PTPRD: variants seen among roughly 807,000 people sequenced by gnomAD.
PTPRD encodes the protein protein tyrosine phosphatase receptor type D.
In PTPRD, 34 loss-of-function variants were observed where a neutral mutation model predicts 214.5. That is an observed-to-expected ratio of 0.16 (90% CI 0.12 to 0.21). The LOEUF (loss-of-function observed/expected upper bound fraction) is 0.21, where lower values mean the gene tolerates loss of function less well. Ranked by LOEUF, PTPRD falls within the 10% of genes least tolerant of loss-of-function variation. The probability of loss-of-function intolerance (pLI) is 1.00; values close to 1 mark genes in which losing one functional copy is unlikely to be tolerated. For synonymous variants in PTPRD, 1,128 were observed against 845.7 expected (o/e 1.33, Z -5.79); for missense variants, 2,545 against 2,398.7 (o/e 1.06, Z -1.27).
rs534940932 is a variant in PTPRD, at chr9:8,858,764, AG to A, written c.-103-124819del. Among the ~76,000 whole-genome samples, 375 of 149,406 alleles carry A rather than the reference AG, an allele frequency of 2.5e-3. 4 individuals carry two copies. Among genetic ancestry groups the A allele is most frequent in the African/African-American group, 8.8e-3 (359 of 40,748 alleles). On this transcript the variant is annotated intron_variant, in intron 11 of 45. Coordinates refer to ENST00000381196, the MANE Select transcript of PTPRD (RefSeq NM_002839.4). ...AAAGGGCCAGAGAGCCGGATAAAGGAGGGGCAGGCAGGAGAGGTGGGTGAAG... is the reference window on the plus strand; with the variant it reads ...AAAGGGCCAGAGAGCCGGATAAAGGAGGGCAGGCAGGAGAGGTGGGTGAAG...
At chr9:9,101,101 C>CG (rs201606126) in intron 10 of PTPRD, among the ~76,000 whole-genome samples, 10 of 150,464 alleles carry the variant, frequency 6.6e-5, no homozygotes, top group East Asian at 2.0e-4. Flanking sequence ...CAATGTAAAA[C>CG]AGAGAGAGAG....
At chr9:8,401,615 A>G (rs2130239204) in intron 36 of PTPRD, among the ~76,000 whole-genome samples, 1 of 152,270 alleles carries the variant, frequency 6.6e-6, no homozygotes, top group East Asian at 1.9e-4. Context: ...ATTTTCAAAA[A>G]GTTCAATAAG....
chr9:8,885,491 T>TC, intron 11 of PTPRD, among the ~76,000 whole-genome samples: 1 of 119,844 alleles, frequency 8.3e-6, no homozygotes, highest in Non-Finnish European at 1.9e-5. Context: ...ACAGCCTCTT[T>TC]TTTTTTTTTT....
intron 2 of PTPRD, among the ~76,000 whole-genome samples, chr9:10,532,573 A>T (rs2056669875): frequency 6.8e-6 from 1 of 147,654 alleles, no homozygotes; most frequent in Admixed American, 6.8e-5. Context: ...ATATATATAC[A>T]CTATATATAT....
In PTPRD at chr9:10,363,991, G is replaced by GTTTTTTTTTTTTTT. The variant is rs71270610; in HGVS notation, c.-599-22988_-599-22975dup. On this transcript the variant is annotated intron_variant, in intron 2 of 45. Coordinates refer to ENST00000381196, the MANE Select transcript of PTPRD (RefSeq NM_002839.4). ...ATTATTATTGCCTCCACATTTTCGG[G>GTTTTTTTTTTTTTT]TTTTTTTTTTTTTTTTTTTTTTTTT... is the stretch of plus-strand genomic sequence containing the variant. 6.5e-4 allele frequency among the ~76,000 whole-genome samples: 23 copies of GTTTTTTTTTTTTTT among 35,124 alleles called. 4 individuals carry two copies. The highest frequency in any genetic ancestry group is 2.2e-3 in the African/African-American group (18 of 8,106). 23.0% of individuals were successfully genotyped at this position (35,124 alleles called of 152,430 possible). A position where few individuals can be genotyped will look rare whatever the true frequency, so the allele number is the denominator to read the frequency against.
At chr9:8,826,274 A>G (rs1051478285) in intron 11 of PTPRD, among the ~76,000 whole-genome samples, 2 of 152,004 alleles carry the variant, frequency 1.3e-5, no homozygotes, top group African/African-American at 4.8e-5. Context: ...CTCCCAATCT[A>G]TTCCTTACAA....
chr9:10,071,294 G>A (rs958997713), intron 3 of PTPRD, among the ~76,000 whole-genome samples: 1 of 151,984 alleles, frequency 6.6e-6, no homozygotes, highest in African/African-American at 2.4e-5. Context: ...TATGTGGAAA[G>A]GGAGAAGGCA....
At chr9:8,456,722 C>G (rs529401953) in intron 33 of PTPRD, among the ~76,000 whole-genome samples, 139 of 152,190 alleles carry the variant, frequency 9.1e-4, no homozygotes, top group African/African-American at 3.2e-3. Flanking sequence ...TCAGTCTCAT[C>G]TAGCTCATGG....
intron 2 of PTPRD, among the ~76,000 whole-genome samples, chr9:10,590,000 G>C (rs1244724693): frequency 6.6e-6 from 1 of 151,974 alleles, no homozygotes; most frequent in East Asian, 1.9e-4. Context: ...ATTAAAGAAA[G>C]AAGTACAAAA....
At chr9:9,289,769 T>C (rs544322985) in intron 9 of PTPRD, among the ~76,000 whole-genome samples, 59 of 151,882 alleles carry the variant, frequency 3.9e-4, no homozygotes, top group Non-Finnish European at 6.8e-4. Flanking sequence ...GGTTCAACCA[T>C]AATGTCACAA....
chr9:8,817,919 A>G (rs1265486534), intron 11 of PTPRD, among the ~76,000 whole-genome samples: 1 of 152,180 alleles, frequency 6.6e-6, no homozygotes, highest in African/African-American at 2.4e-5. Flanking sequence ...AAATAAAACT[A>G]CAGTTAGTTG....
intron 2 of PTPRD, among the ~76,000 whole-genome samples, chr9:10,375,073 T>C (rs1447440261): frequency 6.7e-6 from 1 of 150,226 alleles, no homozygotes; most frequent in African/African-American, 2.4e-5. Flanking sequence ...ATAGGTTCTT[T>C]ATGTAAATTG....
chr9:10,085,047 G>A (rs1401477136), intron 3 of PTPRD, among the ~76,000 whole-genome samples: 2 of 151,996 alleles, frequency 1.3e-5, no homozygotes, highest in African/African-American at 2.4e-5. Context: ...TCCTCTGGGT[G>A]TGTAGTATGG....
intron 3 of PTPRD, among the ~76,000 whole-genome samples, chr9:10,265,413 A>G (rs1048873354): frequency 1.2e-4 from 18 of 152,232 alleles, no homozygotes; most frequent in Non-Finnish European, 2.9e-5. Flanking sequence ...CCGTAGCCAC[A>G]TGAGTGAGTC....
At chr9:10,496,901 T>C (rs187196344) in intron 2 of PTPRD, among the ~76,000 whole-genome samples, 1 of 152,034 alleles carries the variant, frequency 6.6e-6, no homozygotes, top group Non-Finnish European at 1.5e-5. Flanking sequence ...TCCCATTCTG[T>C]AGACTGTCTG....
chr9:10,058,625 G>A lies in PTPRD; in HGVS notation c.-544-24835C>T, dbSNP rs142352496. ...TTAGACTAAGGTGGTAGTGTTTGAT[G>A]CAATATGGGCCAATTAGATTCTCTC... On this transcript the variant is annotated intron_variant, in intron 3 of 45. Transcript: ENST00000381196. Among the ~76,000 whole-genome samples, 744 of 152,178 alleles carry A rather than the reference G, an allele frequency of 4.9e-3. 5 individuals are homozygous for A. The highest frequency in any genetic ancestry group is 0.013 in the African/African-American group (534 of 41,534).
intron 3 of PTPRD, among the ~76,000 whole-genome samples, chr9:10,277,277 T>C (rs1198226492): frequency 7.0e-6 from 1 of 143,666 alleles, no homozygotes; most frequent in South Asian, 2.2e-4. Flanking sequence ...TGAGTTGAGT[T>C]ATAAACAAAC....
chr9:9,383,951 C>T (rs1355957972), intron 9 of PTPRD, among the ~76,000 whole-genome samples: 1 of 151,906 alleles, frequency 6.6e-6, no homozygotes, highest in Admixed American at 6.6e-5. Flanking sequence ...TGATATCTAA[C>T]CCTGCTCAGT....
At chr9:9,193,506 A>G (rs1438070391) in intron 9 of PTPRD, among the ~76,000 whole-genome samples, 1 of 152,166 alleles carries the variant, frequency 6.6e-6, no homozygotes, top group Non-Finnish European at 1.5e-5. Flanking sequence ...TACTTACACA[A>G]ACTTAGGTGG....
Sources: gnomAD v4.1 joint callset for allele counts (sites outside exome capture counted in the v4.1 genomes callset) on GRCh38, gnomAD v4.1.1 for gene constraint, MANE v1.5 for transcripts, NCBI Gene and HGNC (gene_info 2026-07-23, HGNC 2026-07-21) for gene names.